LIN54: variants seen among roughly 807,000 people sequenced by gnomAD.
The protein encoded by LIN54 is lin-54 DREAM MuvB core complex component, also known as protein lin-54 homolog.
In LIN54, 9 loss-of-function variants were observed where a neutral mutation model predicts 78.7. The ratio of observed to expected loss-of-function variants is 0.11; its 90% CI spans 0.07 to 0.20. LIN54 has a LOEUF of 0.20. Ranked by LOEUF, LIN54 falls within the 10% of genes least tolerant of loss-of-function variation. LIN54 has a pLI of 1.00. For synonymous variants in LIN54, 269 were observed against 318.4 expected (o/e 0.84, Z 1.65); for missense variants, 573 against 889.9 (o/e 0.64, Z 4.53).
At chr4:82,954,269 G>T (rs907926706) in intron 4 of LIN54, among the ~76,000 whole-genome samples, 3 of 151,680 alleles carry the variant, frequency 2.0e-5, no homozygotes, top group Non-Finnish European at 4.4e-5. Context: ...AAAGAAATAA[G>T]TTCCTTAATG....
At chr4:82,963,858 A>C (rs1410209308) in intron 4 of LIN54, among the ~76,000 whole-genome samples, 1 of 152,194 alleles carries the variant, frequency 6.6e-6, no homozygotes. Flanking sequence ...CAACAATTAC[A>C]TTAAATATAA....
chr4:82,924,949 GAAC>G lies in LIN54; in HGVS notation c.*3150_*3152del, dbSNP rs1185562879. ...CATTTTCTTAACTATTTGTGTTACA[GAAC>G]AATAAAAATAGATAACTTTTCTAAA... On this transcript the variant is annotated 3_prime_UTR_variant, in exon 13 of 13. Coordinates refer to ENST00000340417, the MANE Select transcript of LIN54 (RefSeq NM_194282.4). The G allele has an allele frequency of 1.3e-5, 2 of 152,500 alleles. No individual in the cohort carries two copies. Among genetic ancestry groups the G allele is most frequent in the African/African-American group, 4.8e-5 (2 of 41,380 alleles). 9.4% of individuals were successfully genotyped at this position (152,500 alleles called of 1,614,324 possible).
chr4:82,932,251 C>T (rs573856619), intron 11 of LIN54, among the ~76,000 whole-genome samples: 3 of 151,388 alleles, frequency 2.0e-5, no homozygotes, highest in East Asian at 4.0e-4. Flanking sequence ...CCCGCCACCA[C>T]GCCCGGCTAA....
At chr4:82,930,001 G>A (rs1355581924) in intron 12 of LIN54, among the ~76,000 whole-genome samples, 4 of 151,922 alleles carry the variant, frequency 2.6e-5, no homozygotes, top group Non-Finnish European at 4.4e-5. Flanking sequence ...AGGCTCAAGC[G>A]ATTCTCCTGC....
At chr4:82,947,692 T>C (rs1267704288) in intron 4 of LIN54, among the ~76,000 whole-genome samples, 1 of 152,184 alleles carries the variant, frequency 6.6e-6, no homozygotes, top group African/African-American at 2.4e-5. Context: ...AATAGTCTTT[T>C]GAGAAGTCCC....
At chr4:82,941,378 T>C (rs1432260947) in intron 5 of LIN54, among the ~76,000 whole-genome samples, 1 of 152,092 alleles carries the variant, frequency 6.6e-6, no homozygotes, top group Non-Finnish European at 1.5e-5. Flanking sequence ...CCAGTCTGGC[T>C]AATACCTGGG....
chr4:82,974,167 A>G lies in LIN54; in HGVS notation c.809-3698T>C, dbSNP rs373142181. ...GGAGCTTGCAGTGAGCCGAGATCGCACCACTGCACTCCAGCCTGGGTGACA... is the reference window on the plus strand; with the variant it reads ...GGAGCTTGCAGTGAGCCGAGATCGCGCCACTGCACTCCAGCCTGGGTGACA... On this transcript the variant is annotated intron_variant, in intron 3 of 12. Coordinates refer to ENST00000340417, the MANE Select transcript of LIN54 (RefSeq NM_194282.4). 7.6e-3 allele frequency among the ~76,000 whole-genome samples: 1,150 copies of G among 151,330 alleles called. 22 individuals carry two copies. Among genetic ancestry groups the G allele is most frequent in the African/African-American group, 0.026 (1,080 of 41,276 alleles).
intron 4 of LIN54, among the ~76,000 whole-genome samples, chr4:82,961,093 T>TA (rs886718891): frequency 5.0e-4 from 74 of 148,756 alleles, no homozygotes; most frequent in African/African-American, 1.7e-3. Flanking sequence ...CTTTTGAACC[T>TA]AAAAAAAAAA....
intron 5 of LIN54, among the ~76,000 whole-genome samples, chr4:82,940,506 C>A (rs1419639644): frequency 1.3e-5 from 2 of 152,092 alleles, no homozygotes; most frequent in Non-Finnish European, 2.9e-5. Context: ...GATTCTTGTG[C>A]CTCAGCCTCC....
chr4:82,936,315 ATTG>A lies in LIN54; in HGVS notation c.1668_1670del (p.Asn557del). The A allele has an allele frequency of 6.3e-7, 1 of 1,577,800 alleles. No homozygotes were observed. Among genetic ancestry groups the A allele is most frequent in the Non-Finnish European group, 8.6e-7 (1 of 1,157,490 alleles). ...TTTGCCTTTCATTTTCATGTTCCAA[ATTG>A]TTGTAACAATTAGTACAATTGCAGT... On this transcript the variant is annotated inframe_deletion, in exon 10 of 13. Coordinates refer to ENST00000340417, the MANE Select transcript of LIN54 (RefSeq NM_194282.4).
At chr4:82,942,858 GCGCACACA>G (rs1173400313) in intron 5 of LIN54, among the ~76,000 whole-genome samples, 1,006 of 38,388 alleles carry the variant, frequency 0.026, 12 homozygotes, top group Middle Eastern at 0.083. Context: ...GCGTGTGCGC[GCGCACACA>G]CACACACACA....
At chr4:82,948,565 G>T (rs1723595281) in intron 4 of LIN54, among the ~76,000 whole-genome samples, 1 of 152,146 alleles carries the variant, frequency 6.6e-6, no homozygotes. Flanking sequence ...GGCAAGGGCA[G>T]TTAAAATCTA....
intron 5 of LIN54, among the ~76,000 whole-genome samples, chr4:82,945,041 T>C (rs1723248630): frequency 6.6e-6 from 1 of 152,168 alleles, no homozygotes. Context: ...TTTGTATTTT[T>C]AGTAGAGACG....
chr4:82,970,615 T>C (rs1725565873), intron 3 of LIN54, 146 bp from the exon 4 acceptor site: 1 of 700,634 alleles, frequency 1.4e-6, no homozygotes, highest in African/African-American at 1.8e-5. Flanking sequence ...TGAACTATGG[T>C]AAACCTAGGC....
chr4:82,992,953 A>G (rs1179595424), intron 1 of LIN54, among the ~76,000 whole-genome samples: 8 of 150,262 alleles, frequency 5.3e-5, no homozygotes, highest in South Asian at 2.1e-4. Flanking sequence ...GCGTGAACCC[A>G]GGAGGCGGAG....
At chr4:82,933,985 A>G (rs1045991898) in intron 11 of LIN54, among the ~76,000 whole-genome samples, 1 of 152,138 alleles carries the variant, frequency 6.6e-6, no homozygotes, top group Non-Finnish European at 1.5e-5. Context: ...ATTCGTGACA[A>G]TTTTTGTATG....
At chr4:82,978,820 C>T (rs1395436336) in intron 3 of LIN54, 63 bp downstream of exon 3, 9 of 1,038,250 alleles carry the variant, frequency 8.7e-6, no homozygotes, top group African/African-American at 1.6e-5. Flanking sequence ...GTTGGCAGAA[C>T]AGCCTTTTTA....
chr4:82,931,200 A>C, intron 11 of LIN54, 55 bp from the exon 12 acceptor site: 1 of 1,266,932 alleles, frequency 7.9e-7, no homozygotes, highest in Non-Finnish European at 1.1e-6. Flanking sequence ...ACATTACTAT[A>C]AGTAGATGCC....
At chr4:83,005,848 A>C (rs1195281351) in intron 1 of LIN54, among the ~76,000 whole-genome samples, 5 of 152,172 alleles carry the variant, frequency 3.3e-5, no homozygotes, top group African/African-American at 1.2e-4. Flanking sequence ...TCATCGCAGC[A>C]CTACTCACAA....
Sources: gnomAD v4.1 joint callset for allele counts (sites outside exome capture counted in the v4.1 genomes callset) on GRCh38, gnomAD v4.1.1 for gene constraint, MANE v1.5 for transcripts, NCBI Gene and HGNC (gene_info 2026-07-23, HGNC 2026-07-21) for gene names.